The following ADGRD1 variants were observed in gnomAD, a reference collection of about 807,000 sequenced individuals.
The protein encoded by ADGRD1 is adhesion G protein-coupled receptor D1.
Under a neutral mutation model 113.4 loss-of-function variants are expected in ADGRD1, and 77 were observed. The observed-to-expected ratio is 0.68, with a 90% CI of 0.57 to 0.82. ADGRD1 has a LOEUF of 0.82. Among genes scored for constraint, ADGRD1 ranks in the 40% least tolerant of loss-of-function variants. The pLI is 0.00. For missense variants in ADGRD1, 1,036 were observed against 1,139.1 expected, an observed-to-expected ratio of 0.91 and a Z score of 1.30; for synonymous variants, 474 against 475.0, an observed-to-expected ratio of 1.00 and a Z score of 0.03.
rs34176886 is a variant in ADGRD1, at chr12:131,108,724, A to AC, written c.1893dup (p.Cys632LeufsTer323). ...CTTCCCATCTCTGGTTAAATCCTAG[A>AC]CCCCCTGCCAAGTGATGGCCGTGCT... On this transcript the variant is annotated frameshift_variant and splice_region_variant, in exon 18 of 25. Coordinates refer to ENST00000261654, the MANE Select transcript of ADGRD1 (RefSeq NM_198827.5). LOFTEE classifies it high-confidence loss of function. 1.2e-6 allele frequency: 2 copies of AC among 1,613,408 alleles called. No individual in the cohort carries two copies. Among genetic ancestry groups the AC allele is most frequent in the South Asian group, 1.1e-5 (1 of 91,056 alleles).
intron 6 of ADGRD1, chr12:130,988,849 G>A (rs1166603905): frequency 6.6e-6 from 1 of 152,274 alleles, no homozygotes; most frequent in Admixed American, 6.5e-5. Flanking sequence ...CACCTTCCAT[G>A]AGTCATTTTC....
intron 13 of ADGRD1, among the ~76,000 whole-genome samples, chr12:131,056,296 A>G (rs1468815051): frequency 6.6e-6 from 1 of 152,242 alleles, no homozygotes; most frequent in African/African-American, 2.4e-5. Flanking sequence ...GCTATAGGGG[A>G]AAATCCCAAG....
intron 8 of ADGRD1, among the ~76,000 whole-genome samples, chr12:130,998,510 G>A (rs1593326842): frequency 2.6e-5 from 4 of 152,138 alleles, no homozygotes; most frequent in Admixed American, 2.6e-4. Context: ...TGTCACCCAG[G>A]TTGGAGTGCA....
intron 18 of ADGRD1, among the ~76,000 whole-genome samples, chr12:131,112,132 ACTATTTAG>A (rs74847348): frequency 0.16 from 24,869 of 151,844 alleles, 3,249 homozygotes; most frequent in East Asian, 0.64. Context: ...ACTTGGCTGG[ACTATTTAG>A]CACAGTCTGT....
intron 18 of ADGRD1, 149 bp downstream of exon 18, chr12:131,109,026 G>C (rs1036589678): frequency 3.4e-6 from 2 of 585,872 alleles, no homozygotes; most frequent in Non-Finnish European, 6.0e-6. Context: ...GGGTTTGATC[G>C]GATGGGACAG....
At chr12:131,097,915 G>A (rs762342251) in intron 15 of ADGRD1, among the ~76,000 whole-genome samples, 1 of 152,340 alleles carries the variant, frequency 6.6e-6, no homozygotes. Context: ...TTCCTGCCAA[G>A]TCCAACCAAG....
At position 130,971,679 on chromosome 12, in the gene ADGRD1, CAA is replaced by C; in HGVS notation, c.310+100_310+101del. On this transcript the variant is annotated intron_variant, in intron 4 of 24. Transcript: ENST00000261654. The surrounding 1 kb of genome is among the most constrained non-coding windows in gnomAD (Gnocchi z 4.2). ...GAAGATGTGAACCTGAGGTTCTCAT[CAA>C]TTGCAGAATGCGTGAGAATGTCAAC... 1 of 1,309,190 alleles carries C rather than the reference CAA, an allele frequency of 7.6e-7. No homozygotes were observed. The highest frequency in any genetic ancestry group is 1.0e-6 in the Non-Finnish European group (1 of 954,480). 81.1% of individuals were successfully genotyped at this position (1,309,190 alleles called of 1,614,324 possible).
chr12:131,034,077 A>G (rs10848269), intron 13 of ADGRD1, among the ~76,000 whole-genome samples: 54,388 of 152,016 alleles, frequency 0.36, 11,139 homozygotes, highest in South Asian at 0.52. Context: ...AGCTGCACAC[A>G]GCAGCCAGAG....
At position 130,965,152 on chromosome 12, in the gene ADGRD1, G is replaced by A. The variant is rs1329757312; in HGVS notation, c.104-1311G>A. Among the ~76,000 whole-genome samples the A allele has an allele frequency of 6.6e-6, 1 of 151,766 alleles. No individual in the cohort carries two copies. The highest frequency in any genetic ancestry group is 1.5e-5 in the Non-Finnish European group (1 of 67,988). The stretch of plus-strand genomic sequence containing the variant: ...TTTTCATAAATATTTTCTTTTTGTT[G>A]GCTGCACTTAGGAGAACTCTTCTTT... On this transcript the variant is annotated intron_variant, in intron 2 of 24. Transcript: ENST00000261654. This position sits in a 1 kb window ranked among gnomAD's most constrained non-coding sequence, Gnocchi z 4.8.
At chr12:131,129,362 G>C in intron 20 of ADGRD1, among the ~76,000 whole-genome samples, 1 of 128,166 alleles carries the variant, frequency 7.8e-6, no homozygotes, top group South Asian at 2.8e-4. Context: ...TGAGTGACAG[G>C]CTGGCCCTCC....
At chr12:131,040,157 C>T (rs1881970697) in intron 13 of ADGRD1, among the ~76,000 whole-genome samples, 1 of 152,164 alleles carries the variant, frequency 6.6e-6, no homozygotes. Flanking sequence ...TGCTTTTTCC[C>T]AGGAGTCTGG....
rs554889460 is a variant in ADGRD1 at position 131,016,303 on chromosome 12, C to G, written c.1473+1963C>G. Among the ~76,000 whole-genome samples the G allele has an allele frequency of 2.6e-5, 4 of 152,386 alleles. No individual in the cohort carries two copies. In the East Asian group the frequency reaches 7.7e-4, roughly 29 times the overall value. ...GCATGGAGCCCACTGCCCTTCCCCC[C>G]TGCCCGCAGTGGCCTTGGCACTGCG... On this transcript the variant is annotated intron_variant, in intron 13 of 24. Transcript: ENST00000261654.
At chr12:131,122,713 C>G (rs1257121948) in intron 20 of ADGRD1, among the ~76,000 whole-genome samples, 1 of 152,206 alleles carries the variant, frequency 6.6e-6, no homozygotes, top group Non-Finnish European at 1.5e-5. Context: ...CTTAAACCCT[C>G]TAGAACCGCA....
intron 13 of ADGRD1, among the ~76,000 whole-genome samples, chr12:131,040,473 C>T (rs921592991): frequency 5.3e-5 from 8 of 152,184 alleles, no homozygotes; most frequent in Admixed American, 5.2e-4. Flanking sequence ...TTTAAAAATG[C>T]ATTATATACT....
At chr12:131,083,974 C>T (rs1480214386) in intron 14 of ADGRD1, among the ~76,000 whole-genome samples, 1 of 152,164 alleles carries the variant, frequency 6.6e-6, no homozygotes, top group East Asian at 1.9e-4. Flanking sequence ...ACGGGCCTTG[C>T]GTCGTGGTTA....
chr12:131,111,524 C>T (rs955605247), intron 18 of ADGRD1, among the ~76,000 whole-genome samples: 1 of 152,084 alleles, frequency 6.6e-6, no homozygotes, highest in African/African-American at 2.4e-5. Flanking sequence ...TCTAATATTC[C>T]CATTATGAGT....
At chr12:131,034,232 G>T (rs1031311744) in intron 13 of ADGRD1, among the ~76,000 whole-genome samples, 4 of 152,054 alleles carry the variant, frequency 2.6e-5, no homozygotes, top group African/African-American at 9.7e-5. Flanking sequence ...ATTCCACTCC[G>T]CTCCCGCCAT....
intron 20 of ADGRD1, among the ~76,000 whole-genome samples, chr12:131,123,602 A>ACC (rs1441069069): frequency 1.3e-5 from 2 of 151,772 alleles, no homozygotes; most frequent in Admixed American, 6.6e-5. Context: ...CAGGCGGATC[A>ACC]TGAGGTCAGG....
intron 13 of ADGRD1, among the ~76,000 whole-genome samples, chr12:131,032,357 G>A (rs187434437): frequency 6.3e-5 from 9 of 142,620 alleles, no homozygotes; most frequent in South Asian, 4.1e-4. Flanking sequence ...ATCATCTCAC[G>A]GGTTCTGACG....
Sources: allele counts gnomAD v4.1 joint callset (sites outside exome capture counted in the v4.1 genomes callset), GRCh38; gene constraint gnomAD v4.1.1; non-coding constraint Gnocchi (gnomAD v3.1); transcripts MANE v1.5; gene names NCBI Gene and HGNC (gene_info 2026-07-23, HGNC 2026-07-21).